The following QTGAL variants were observed in gnomAD, a reference collection of about 807,000 sequenced individuals.
QTGAL encodes the protein BGnT-like protein 1.
the QTGAL span, chr17:82,961,181 C>A: frequency 1.2e-6 from 2 of 1,606,018 alleles, no homozygotes; most frequent in Admixed American, 1.7e-5. Context: ...TCCGGGACGC[C>A]CTGCAGGGCG....
the QTGAL span, chr17:83,005,025 C>T: frequency 2.5e-5 from 27 of 1,094,246 alleles, no homozygotes; most frequent in East Asian, 1.7e-4. This position sits in a 1 kb window ranked among gnomAD's most constrained non-coding sequence, Gnocchi z 5.6. Context: ...CCCACGACGA[C>T]GCAGACACAA....
chr17:82,970,643 C>CATGGTGTGG, the QTGAL span, among the ~76,000 whole-genome samples: 77 of 112,730 alleles, frequency 6.8e-4, 2 homozygotes, highest in African/African-American at 2.6e-3. Flanking sequence ...GACCTCCGCA[C>CATGGTGTGG]CCGGTGTGGC....
At chr17:82,982,936 G>T in the QTGAL span, among the ~76,000 whole-genome samples, 1 of 152,082 alleles carries the variant, frequency 6.6e-6, no homozygotes, top group Non-Finnish European at 1.5e-5. Context: ...TTAGCAGCTG[G>T]GGGTGGAGGA....
At chr17:82,992,230 A>G in the QTGAL span, among the ~76,000 whole-genome samples, 7 of 152,184 alleles carry the variant, frequency 4.6e-5, no homozygotes, top group African/African-American at 1.7e-4. Flanking sequence ...ATTTAACCCA[A>G]AGAAGACTAC....
the QTGAL span, chr17:82,957,435 G>A: frequency 2.6e-5 from 42 of 1,611,732 alleles, no homozygotes; most frequent in Non-Finnish European, 3.3e-5. Flanking sequence ...GGTGAAGGCC[G>A]CCCAGCGGGG....
the QTGAL span, chr17:83,048,897 T>C: frequency 1.2e-6 from 1 of 807,220 alleles, no homozygotes; most frequent in Non-Finnish European, 2.1e-6. Flanking sequence ...AAACAAAAGG[T>C]GTCCACTCCT....
chr17:82,972,837 G>A, the QTGAL span, among the ~76,000 whole-genome samples: 15 of 89,038 alleles, frequency 1.7e-4, no homozygotes, highest in African/African-American at 5.4e-4. Context: ...AGGACCTGGT[G>A]CCGACCACAC....
chr17:83,048,878 T>C, the QTGAL span: 2 of 996,438 alleles, frequency 2.0e-6, no homozygotes, highest in Non-Finnish European at 3.2e-6. Flanking sequence ...CCCGCACATA[T>C]GCCGTGACAA....
At chr17:82,994,972 T>C in the QTGAL span, among the ~76,000 whole-genome samples, 5 of 152,326 alleles carry the variant, frequency 3.3e-5, no homozygotes, top group East Asian at 7.7e-4. Context: ...GAAAAAGCAT[T>C]TGATAACATT....
chr17:83,030,192 C>G, the QTGAL span, among the ~76,000 whole-genome samples: 1 of 152,172 alleles, frequency 6.6e-6, no homozygotes, highest in Non-Finnish European at 1.5e-5. Context: ...GGAAACACAA[C>G]TGAATAATAA....
chr17:83,020,684 C>T, the QTGAL span, among the ~76,000 whole-genome samples: 87,179 of 151,804 alleles, frequency 0.57, 25,431 homozygotes, highest in South Asian at 0.65. Flanking sequence ...ACCATCCGGT[C>T]ATTTCTAAAA....
the QTGAL span, among the ~76,000 whole-genome samples, chr17:83,019,789 A>C: frequency 6.6e-6 from 1 of 151,964 alleles, no homozygotes. Context: ...GCTGGAGTGC[A>C]GTGGCGCAAT....
the QTGAL span, among the ~76,000 whole-genome samples, chr17:83,026,769 A>G: frequency 1.5e-4 from 16 of 103,532 alleles, no homozygotes; most frequent in Non-Finnish European, 1.9e-4. Context: ...CACACAGAGG[A>G]GGGCGGGGAG....
the QTGAL span, among the ~76,000 whole-genome samples, chr17:83,035,829 C>T: frequency 2.7e-5 from 4 of 149,246 alleles, no homozygotes; most frequent in African/African-American, 9.8e-5. Flanking sequence ...GTGTGACGGG[C>T]TGGTGGAGGT....
the QTGAL span, among the ~76,000 whole-genome samples, chr17:83,051,189 G>A: frequency 1.3e-5 from 2 of 149,536 alleles, no homozygotes; most frequent in African/African-American, 4.9e-5. Flanking sequence ...CAGGGCAGGC[G>A]TGCAGGGGCA....
At chr17:83,040,075 C>T in the QTGAL span, among the ~76,000 whole-genome samples, 1 of 152,198 alleles carries the variant, frequency 6.6e-6, no homozygotes, top group South Asian at 2.1e-4. Flanking sequence ...CCACCCATTC[C>T]TGAGCACATT....
the QTGAL span, among the ~76,000 whole-genome samples, chr17:82,963,144 G>GGGATGGA: frequency 6.6e-6 from 1 of 152,164 alleles, no homozygotes; most frequent in African/African-American, 2.4e-5. Flanking sequence ...ACCATCCTCG[G>GGGATGGA]GCAGCCTTGG....
chr17:82,980,517 A>G, the QTGAL span, among the ~76,000 whole-genome samples: 1 of 152,318 alleles, frequency 6.6e-6, no homozygotes, highest in South Asian at 2.1e-4. Flanking sequence ...TTGACCCTCC[A>G]GCTATAAATC....
the QTGAL span, among the ~76,000 whole-genome samples, chr17:82,965,165 G>T: frequency 1.4e-5 from 2 of 141,800 alleles, no homozygotes; most frequent in South Asian, 2.1e-4. Context: ...CCCACGGGGG[G>T]GATGGGGACA....
Sources: allele counts gnomAD v4.1 joint callset (sites outside exome capture counted in the v4.1 genomes callset), GRCh38; gene constraint gnomAD v4.1.1; non-coding constraint Gnocchi (gnomAD v3.1); transcripts MANE v1.5; gene names NCBI Gene and HGNC (gene_info 2026-07-23, HGNC 2026-07-21).